The following CSMD3 variants were observed in gnomAD, a reference collection of about 807,000 sequenced individuals.
The protein encoded by CSMD3 is CUB and sushi domain-containing protein 3.
CSMD3 carries 177 observed loss-of-function variants against 435.2 expected under a neutral mutation model. That is an observed-to-expected ratio of 0.41 (90% CI 0.36 to 0.46). The LOEUF is 0.46. Ranked by LOEUF, CSMD3 falls within the 20% of genes least tolerant of loss-of-function variation. The pLI is 0.34. For synonymous variants in CSMD3, 1,656 were observed against 1,520.5 expected, an observed-to-expected ratio of 1.09 and a Z score of -2.07; for missense variants, 4,265 against 4,504.6, an observed-to-expected ratio of 0.95 and a Z score of 1.52.
chr8:113,407,248 A>G (rs6982808), intron 1 of CSMD3, among the ~76,000 whole-genome samples: 70,650 of 151,856 alleles, frequency 0.47, 16,783 homozygotes, highest in Middle Eastern at 0.55. Flanking sequence ...AATTCCTCAA[A>G]GGTAGGAAAT....
chr8:112,228,628 ATAGT>A (rs1261618431), intron 70 of CSMD3, 124 bp downstream of exon 70: 1 of 928,384 alleles, frequency 1.1e-6, no homozygotes, highest in East Asian at 2.4e-5. Flanking sequence ...GTCTATGACA[ATAGT>A]TAGCACACAG....
At chr8:112,461,525 T>C (rs978339939) in intron 32 of CSMD3, among the ~76,000 whole-genome samples, 1 of 152,144 alleles carries the variant, frequency 6.6e-6, no homozygotes, top group African/African-American at 2.4e-5. Flanking sequence ...ATGTTTACTC[T>C]CTATATGAAT....
intron 32 of CSMD3, among the ~76,000 whole-genome samples, chr8:112,438,220 G>A (rs1193788116): frequency 6.6e-6 from 1 of 152,162 alleles, no homozygotes; most frequent in Non-Finnish European, 1.5e-5. Context: ...CCATTTAAAT[G>A]TAAGAGCCTG....
At chr8:113,219,834 A>G (rs2132123104) in intron 3 of CSMD3, among the ~76,000 whole-genome samples, 1 of 151,624 alleles carries the variant, frequency 6.6e-6, no homozygotes, top group South Asian at 2.1e-4. Context: ...AGGAAAATAC[A>G]TAATAAGCCA....
rs372102563 is a variant in CSMD3, at chr8:112,908,750, T to G, written c.1633+12877A>C. Among the ~76,000 whole-genome samples the G allele has an allele frequency of 2.0e-5, 3 of 151,578 alleles. No homozygotes were observed. In the East Asian group the frequency reaches 5.8e-4, roughly 29 times the overall value. On this transcript the variant is annotated intron_variant, in intron 10 of 70. Coordinates refer to ENST00000297405, the MANE Select transcript of CSMD3 (RefSeq NM_198123.2). ...TTATTAATAAATATTTTTATGGTCA[T>G]GAAAATGAAGAAAATTGGAGTCATT... is the stretch of plus-strand genomic sequence containing the variant.
intron 11 of CSMD3, among the ~76,000 whole-genome samples, chr8:112,846,881 T>C (rs2080337542): frequency 6.6e-6 from 1 of 152,106 alleles, no homozygotes; most frequent in Admixed American, 6.6e-5. Context: ...TATACAGATA[T>C]GGTTCACTTA....
At chr8:113,111,597 G>A (rs1055473205) in intron 4 of CSMD3, among the ~76,000 whole-genome samples, 3 of 152,132 alleles carry the variant, frequency 2.0e-5, no homozygotes, top group South Asian at 4.1e-4. Flanking sequence ...CGCATGTGTC[G>A]ATTTGAGCGT....
chr8:112,462,510 T>C (rs1235958467), intron 32 of CSMD3, among the ~76,000 whole-genome samples: 2 of 152,192 alleles, frequency 1.3e-5, no homozygotes, highest in African/African-American at 2.4e-5. Context: ...ACAATGAATG[T>C]GAATAGATAA....
chr8:113,261,826 C>A (rs6996484), intron 3 of CSMD3, among the ~76,000 whole-genome samples: 56,504 of 151,880 alleles, frequency 0.37, 11,402 homozygotes, highest in African/African-American at 0.54. Context: ...TATATTTAAA[C>A]TATATGGTAG....
intron 4 of CSMD3, among the ~76,000 whole-genome samples, chr8:113,145,240 C>A (rs2091645947): frequency 6.6e-6 from 1 of 151,436 alleles, no homozygotes; most frequent in African/African-American, 2.4e-5. Context: ...AAAGACTTGG[C>A]CTTTTTCAAG....
At chr8:113,060,490 G>T (rs2088565887) in intron 5 of CSMD3, among the ~76,000 whole-genome samples, 1 of 151,874 alleles carries the variant, frequency 6.6e-6, no homozygotes, top group Admixed American at 6.6e-5. Flanking sequence ...AGGAGCTGTG[G>T]GTCCTTAGAA....
intron 3 of CSMD3, among the ~76,000 whole-genome samples, chr8:113,199,604 A>G (rs2132024259): frequency 6.6e-6 from 1 of 151,896 alleles, no homozygotes; most frequent in East Asian, 1.9e-4. Context: ...CTATAGGTTG[A>G]AAGGGCATTT....
At chr8:112,351,888 C>T (rs1586849827) in intron 39 of CSMD3, among the ~76,000 whole-genome samples, 1 of 150,300 alleles carries the variant, frequency 6.7e-6, no homozygotes, top group Non-Finnish European at 1.5e-5. Context: ...AACCTGGGAC[C>T]CTCGACAAAA....
chr8:112,822,370 C>A (rs2079552729), intron 12 of CSMD3, among the ~76,000 whole-genome samples: 1 of 152,054 alleles, frequency 6.6e-6, no homozygotes, highest in South Asian at 2.1e-4. Context: ...TCCTTCACAT[C>A]CCTTGTAAGT....
intron 3 of CSMD3, among the ~76,000 whole-genome samples, chr8:113,251,262 A>C (rs983647399): frequency 4.6e-5 from 7 of 152,058 alleles, no homozygotes; most frequent in African/African-American, 1.7e-4. Context: ...AACAGAGAGA[A>C]ACAGTAGGAA....
intron 50 of CSMD3, 98 bp from the exon 51 acceptor site, chr8:112,306,290 G>T: frequency 1.2e-6 from 1 of 850,020 alleles, no homozygotes; most frequent in Non-Finnish European, 1.9e-6. Context: ...AACTAACGGG[G>T]ATTTTTATCA....
intron 13 of CSMD3, among the ~76,000 whole-genome samples, chr8:112,728,677 G>T (rs1475275770): frequency 6.6e-6 from 1 of 151,938 alleles, no homozygotes; most frequent in East Asian, 1.9e-4. Flanking sequence ...CTTCAAGAAG[G>T]AATATGAGTT....
chr8:112,926,367 A>G (rs1336575303), intron 9 of CSMD3, among the ~76,000 whole-genome samples: 1 of 152,090 alleles, frequency 6.6e-6, no homozygotes, highest in African/African-American at 2.4e-5. Flanking sequence ...GTCACCACAG[A>G]AGAGATGTCT....
intron 16 of CSMD3, among the ~76,000 whole-genome samples, chr8:112,673,501 G>A (rs1193012434): frequency 1.3e-5 from 2 of 151,836 alleles, no homozygotes; most frequent in African/African-American, 4.8e-5. Flanking sequence ...CTAAAGGAGG[G>A]GTTCATTGTT....
Sources: allele counts gnomAD v4.1 joint callset (sites outside exome capture counted in the v4.1 genomes callset), GRCh38; gene constraint gnomAD v4.1.1; transcripts MANE v1.5; gene names NCBI Gene and HGNC (gene_info 2026-07-23, HGNC 2026-07-21).